Variants in AGPAT5 observed in about 807,000 individuals in gnomAD.
The protein encoded by AGPAT5 is 1-acyl-sn-glycerol-3-phosphate acyltransferase epsilon.
AGPAT5 carries 46 observed loss-of-function variants against 45.6 expected under a neutral mutation model. That is an observed-to-expected ratio of 1.01 (90% CI 0.80 to 1.29). The LOEUF (loss-of-function observed/expected upper bound fraction) is 1.29, where lower values mean the gene tolerates loss of function less well. Ranked by LOEUF, AGPAT5 falls within the 50% of genes most tolerant of loss-of-function variation. AGPAT5 has a pLI of 0.00. For synonymous variants in AGPAT5, 272 were observed against 167.0 expected, an observed-to-expected ratio of 1.63 and a Z score of -4.85; for missense variants, 673 against 450.7, an observed-to-expected ratio of 1.49 and a Z score of -4.47.
At chr8:6,724,797 T>G (rs1800628263) in intron 1 of AGPAT5, 73 bp from the exon 2 acceptor site, 1 of 459,664 alleles carries the variant, frequency 2.2e-6, no homozygotes. Flanking sequence ...GTCAGTTTCT[T>G]CACATTGTCT....
intron 4 of AGPAT5, among the ~76,000 whole-genome samples, chr8:6,740,704 A>G (rs1453809697): frequency 6.6e-6 from 1 of 152,038 alleles, no homozygotes; most frequent in Non-Finnish European, 1.5e-5. Context: ...GTTTTTAAGT[A>G]GGAGCTGTAT....
intron 2 of AGPAT5, among the ~76,000 whole-genome samples, chr8:6,726,538 A>G (rs1292600123): frequency 2.6e-5 from 4 of 152,172 alleles, no homozygotes; most frequent in Non-Finnish European, 5.9e-5. Context: ...TAGTGATAAT[A>G]TTGATCACTA....
At chr8:6,709,466 A>C (rs1187460875) in intron 1 of AGPAT5, 1 of 153,122 alleles carries the variant, frequency 6.5e-6, no homozygotes, top group Non-Finnish European at 1.5e-5. Flanking sequence ...TCTTTCTGTT[A>C]CTGTTTCTCT....
At chr8:6,709,730 T>C (rs1049108006) in intron 1 of AGPAT5, among the ~76,000 whole-genome samples, 6 of 152,112 alleles carry the variant, frequency 3.9e-5, no homozygotes, top group African/African-American at 7.2e-5. Flanking sequence ...TTTTTTTTTT[T>C]CCACCTACAG....
intron 4 of AGPAT5, among the ~76,000 whole-genome samples, chr8:6,735,849 C>G (rs2928575): frequency 2.4e-5 from 2 of 84,206 alleles, no homozygotes; most frequent in African/African-American, 9.2e-5. Flanking sequence ...TTTATATAGC[C>G]TTTTTTTTTT....
In AGPAT5 at chr8:6,716,829, G is replaced by A. The variant is rs1032331379; in HGVS notation, c.219+7942G>A. 6.6e-5 allele frequency among the ~76,000 whole-genome samples: 10 copies of A among 151,386 alleles called. 1 individual carries two copies. Among genetic ancestry groups the A allele is most frequent in the South Asian group, 2.1e-4 (1 of 4,828 alleles). ...GACTGGGCAACAAGAGCGAAATTCC[G>A]TCTCAAAACAAACAAACAAACAAAA... On this transcript the variant is annotated intron_variant, in intron 1 of 7. Coordinates refer to ENST00000285518, the MANE Select transcript of AGPAT5 (RefSeq NM_018361.5).
intron 7 of AGPAT5, 97 bp downstream of exon 7, chr8:6,755,271 C>G (rs931948574): frequency 1.6e-6 from 2 of 1,259,614 alleles, no homozygotes; most frequent in Non-Finnish European, 2.2e-6. Context: ...TATATTGTCT[C>G]AAGAATACAT....
Position 6,760,328 on chromosome 8 carries a change from G to C in AGPAT5, c.*2940G>C, listed in dbSNP as rs1003785051. On this transcript the variant is annotated 3_prime_UTR_variant, in exon 8 of 8. Transcript: ENST00000285518. ...TGGGAGGATCGCTTCAGCCCAGGAG[G>C]TTGAGATTGCAGTGAGCCATGGACA... 6.6e-6 allele frequency among the ~76,000 whole-genome samples: 1 copy of C among 152,122 alleles called. No homozygotes were observed. The highest frequency in any genetic ancestry group is 2.4e-5 in the African/African-American group (1 of 41,422).
chr8:6,737,628 C>G (rs540098507), intron 4 of AGPAT5, among the ~76,000 whole-genome samples: 1 of 152,278 alleles, frequency 6.6e-6, no homozygotes, highest in South Asian at 2.1e-4. Context: ...AAACTTATGG[C>G]ACAAACATGG....
chr8:6,737,753 C>A (rs1231352744), intron 4 of AGPAT5, among the ~76,000 whole-genome samples: 2 of 152,210 alleles, frequency 1.3e-5, no homozygotes, highest in Non-Finnish European at 2.9e-5. Flanking sequence ...CCCAGATCTT[C>A]TGTTTAATCT....
At chr8:6,719,902 C>T (rs1671634873) in intron 1 of AGPAT5, among the ~76,000 whole-genome samples, 1 of 152,106 alleles carries the variant, frequency 6.6e-6, no homozygotes, top group South Asian at 2.1e-4. Context: ...TGTCTGTGAT[C>T]GTGTCCTGAG....
chr8:6,718,316 C>T (rs1003217366), intron 1 of AGPAT5, among the ~76,000 whole-genome samples: 3 of 152,154 alleles, frequency 2.0e-5, no homozygotes, highest in Admixed American at 1.3e-4. Flanking sequence ...TGCCGCTCCC[C>T]GTCACTGCCT....
At position 6,758,704 on chromosome 8, in the gene AGPAT5, C is replaced by G. The variant is rs1801928126; in HGVS notation, c.*1316C>G. ...ATCGCCTTAGAGCAAGAGCTGTGTT[C>G]CAGGAACCAGATCACGATTTTTAGC... On this transcript the variant is annotated 3_prime_UTR_variant, in exon 8 of 8. Coordinates refer to ENST00000285518, the MANE Select transcript of AGPAT5 (RefSeq NM_018361.5). The G allele has an allele frequency of 1.3e-5, 2 of 152,618 alleles. No homozygotes were observed. Among genetic ancestry groups the G allele is most frequent in the Admixed American group, 1.3e-4 (2 of 15,286 alleles). 9.5% of individuals were successfully genotyped at this position (152,618 alleles called of 1,614,324 possible).
chr8:6,722,338 G>T (rs985285347), intron 1 of AGPAT5, among the ~76,000 whole-genome samples: 2 of 152,162 alleles, frequency 1.3e-5, no homozygotes, highest in Admixed American at 1.3e-4. Flanking sequence ...TAGCATATTT[G>T]GGTGTGGCAT....
In AGPAT5 at chr8:6,757,555, G is replaced by C; in HGVS notation, c.*167G>C. 1.6e-6 allele frequency: 1 copy of C among 608,908 alleles called. No individual in the cohort carries two copies. The highest frequency in any genetic ancestry group is 2.9e-6 in the Non-Finnish European group (1 of 350,492). The allele number at this position is 608,908 out of a possible 1,614,324, so 37.7% of individuals were successfully genotyped here. ...CGAAAGCTGATATGCAATGGTCTTG[G>C]GCAAACATACCTGGTTGTACAACTT... On this transcript the variant is annotated 3_prime_UTR_variant, in exon 8 of 8. Coordinates refer to ENST00000285518, the MANE Select transcript of AGPAT5 (RefSeq NM_018361.5).
chr8:6,742,568 T>A (rs1484374666), intron 5 of AGPAT5, among the ~76,000 whole-genome samples: 1 of 152,230 alleles, frequency 6.6e-6, no homozygotes, highest in African/African-American at 2.4e-5. Flanking sequence ...TGGAACTTTC[T>A]GCAATAATGG....
At chr8:6,750,708 A>G (rs923135823) in intron 6 of AGPAT5, among the ~76,000 whole-genome samples, 1 of 132,952 alleles carries the variant, frequency 7.5e-6, no homozygotes, top group African/African-American at 2.9e-5. Flanking sequence ...GTGCAAATGA[A>G]AACTACAGGG....
intron 4 of AGPAT5, among the ~76,000 whole-genome samples, chr8:6,735,339 C>A (rs965611658): frequency 6.6e-6 from 1 of 152,162 alleles, no homozygotes; most frequent in African/African-American, 2.4e-5. Flanking sequence ...AGCCTACATC[C>A]AGTCTTCCCT....
chr8:6,721,334 C>G (rs1336596733), intron 1 of AGPAT5, among the ~76,000 whole-genome samples: 2 of 152,172 alleles, frequency 1.3e-5, no homozygotes, highest in African/African-American at 2.4e-5. Flanking sequence ...TATAGCTGTA[C>G]TTCTGTGTAA....
Sources: gnomAD v4.1 joint callset for allele counts (sites outside exome capture counted in the v4.1 genomes callset) on GRCh38, gnomAD v4.1.1 for gene constraint, MANE v1.5 for transcripts, NCBI Gene and HGNC (gene_info 2026-07-23, HGNC 2026-07-21) for gene names.